Variants in SAR1B observed in about 807,000 individuals in gnomAD.
The protein encoded by SAR1B is secretion associated Ras related GTPase 1B.
SAR1B carries 23 observed loss-of-function variants against 26.8 expected under a neutral mutation model. That is an observed-to-expected ratio of 0.86 (90% confidence interval 0.62 to 1.22). The LOEUF is 1.22. Ranked by LOEUF, SAR1B falls within the 50% of genes most tolerant of loss-of-function variation. The pLI, the probability that SAR1B is intolerant of heterozygous loss-of-function variation, is 0.00. For missense variants in SAR1B, 196 were observed against 232.8 expected, an observed-to-expected ratio of 0.84 and a Z score of 1.03; for synonymous variants, 65 against 80.8, an observed-to-expected ratio of 0.80 and a Z score of 1.05.
At chr5:134,608,294 G>A (rs1419036378) in intron 6 of SAR1B, 78 bp downstream of exon 6, 4 of 1,413,590 alleles carry the variant, frequency 2.8e-6, no homozygotes, top group African/African-American at 1.4e-5. Context: ...GGCTTGTATA[G>A]TTGGACAATA....
In SAR1B at chr5:134,603,215, C is replaced by T. The variant is rs1045500818; in HGVS notation, c.*3735G>A. On this transcript the variant is annotated 3_prime_UTR_variant, in exon 7 of 7. Coordinates refer to ENST00000402673, the MANE Select transcript of SAR1B (RefSeq NM_016103.4). Reference sequence around the variant, plus strand: ...TGCACTCTGGTCAAATTTTACTTGGCAATAAATCCTTGCAAACGTCAGTCA... The same window carrying T: ...TGCACTCTGGTCAAATTTTACTTGGTAATAAATCCTTGCAAACGTCAGTCA... 1.3e-5 allele frequency: 2 copies of T among 152,134 alleles called. No individual in the cohort carries two copies. Among genetic ancestry groups the T allele is most frequent in the Non-Finnish European group, 1.5e-5 (1 of 68,020 alleles). 9.4% of individuals were successfully genotyped at this position (152,134 alleles called of 1,614,324 possible).
At position 134,612,662 on chromosome 5, in the gene SAR1B, AAAAAAAAAAAAAAAAAAAAG is replaced by A. The variant is rs772224385; in HGVS notation, c.244+9_244+28del. 3 of 1,205,374 alleles carry A rather than the reference AAAAAAAAAAAAAAAAAAAAG, an allele frequency of 2.5e-6. No individual in the cohort carries two copies. The highest frequency in any genetic ancestry group is 3.5e-5 in the African/African-American group (2 of 57,266). The allele number at this position is 1,205,374 out of a possible 1,614,324, so 74.7% of individuals were successfully genotyped here. On this transcript the variant is annotated intron_variant, in intron 4 of 6. Coordinates refer to ENST00000402673, the MANE Select transcript of SAR1B (RefSeq NM_016103.4). Reference sequence around the variant, plus strand: ...TGTCTAAAAAAAAAAAAAAAAAAAAAAAAAAAAAAAAAAAAAAAAGAATCTTACCTTGAACATGTCCACCC... The same window carrying A: ...TGTCTAAAAAAAAAAAAAAAAAAAAAAATCTTACCTTGAACATGTCCACCC...
chr5:134,628,117 C>T (rs1293510260), intron 1 of SAR1B, among the ~76,000 whole-genome samples: 1 of 151,222 alleles, frequency 6.6e-6, no homozygotes, highest in African/African-American at 2.4e-5. Context: ...GCACTCCAGC[C>T]GGGGTGACAG....
At chr5:134,607,772 CAAAAA>C (rs35665930) in intron 6 of SAR1B, among the ~76,000 whole-genome samples, 1 of 99,686 alleles carries the variant, frequency 1.0e-5, no homozygotes, top group Non-Finnish European at 2.2e-5. Flanking sequence ...AACTCCATCT[CAAAAA>C]AAAAAAAAAA....
chr5:134,614,262 T>C (rs1765270910), intron 3 of SAR1B: 1 of 152,256 alleles, frequency 6.6e-6, no homozygotes, highest in Non-Finnish European at 1.5e-5. Flanking sequence ...GTTTGTGTTT[T>C]CCTTTAAATC....
At position 134,629,359 on chromosome 5, in the gene SAR1B, GACCAGAC is replaced by G. The variant is rs549136748; in HGVS notation, c.-19+3362_-19+3368del. On this transcript the variant is annotated intron_variant, in intron 1 of 6. Transcript: ENST00000402673. ...GGATCACTTGAACCCAGGAGTTTGA[GACCAGAC>G]TGGGCAACATGGGAAGACCCCGTCT... Among the ~76,000 whole-genome samples the G allele has an allele frequency of 6.6e-5, 10 of 151,578 alleles. No individual in the cohort carries two copies. In the South Asian group the frequency reaches 1.7e-3, roughly 25 times the overall value.
intron 1 of SAR1B, among the ~76,000 whole-genome samples, chr5:134,630,575 G>A (rs908959773): frequency 4.0e-5 from 6 of 151,262 alleles, no homozygotes; most frequent in Non-Finnish European, 7.4e-5. Context: ...TTGAGTTCGG[G>A]AGTTCAAGAC....
Position 134,605,218 on chromosome 5 carries a change from A to G in SAR1B, c.*1732T>C, listed in dbSNP as rs1765106701. 1 of 152,200 alleles carries G rather than the reference A, an allele frequency of 6.6e-6. No homozygotes were observed. Among genetic ancestry groups the G allele is most frequent in the Non-Finnish European group, 1.5e-5 (1 of 68,044 alleles). The allele number at this position is 152,200 out of a possible 1,614,324, so 9.4% of individuals were successfully genotyped here. On this transcript the variant is annotated 3_prime_UTR_variant, in exon 7 of 7. Coordinates refer to ENST00000402673, the MANE Select transcript of SAR1B (RefSeq NM_016103.4). ...AAAGGACTGTAACTCTGACATGGACAATGGCTACAGAAAACACTAATTTTT... is the reference window on the plus strand; with the variant it reads ...AAAGGACTGTAACTCTGACATGGACGATGGCTACAGAAAACACTAATTTTT...
rs1029453063 is a variant in SAR1B at position 134,604,595 on chromosome 5, G to A, written c.*2355C>T. 1.3e-5 allele frequency: 2 copies of A among 152,056 alleles called. No homozygotes were observed. Among genetic ancestry groups the A allele is most frequent in the Admixed American group, 6.6e-5 (1 of 15,264 alleles). The allele number at this position is 152,056 out of a possible 1,614,324, so 9.4% of individuals were successfully genotyped here. On this transcript the variant is annotated 3_prime_UTR_variant, in exon 7 of 7. Coordinates refer to ENST00000402673, the MANE Select transcript of SAR1B (RefSeq NM_016103.4). ...AACATGGCTTCCTTTCTAGAGGCTC[G>A]GGCCATAAAAATCTTATGTCTTTGG...
chr5:134,625,154 G>C (rs1300121444), intron 1 of SAR1B, among the ~76,000 whole-genome samples: 1 of 152,082 alleles, frequency 6.6e-6, no homozygotes, highest in Non-Finnish European at 1.5e-5. Flanking sequence ...AAAGTGAAAG[G>C]GTATAGAGAA....
intron 6 of SAR1B, 133 bp downstream of exon 6, chr5:134,608,239 G>C: frequency 1.1e-6 from 1 of 914,026 alleles, no homozygotes; most frequent in Non-Finnish European, 1.6e-6. Context: ...ACATTAAAAA[G>C]ACCCACAGGT....
At chr5:134,611,012 T>TATC (rs1295516989) in intron 4 of SAR1B, among the ~76,000 whole-genome samples, 1 of 151,984 alleles carries the variant, frequency 6.6e-6, no homozygotes, top group Non-Finnish European at 1.5e-5. Context: ...TATCAGTGTC[T>TATC]ATCACTATGC....
rs1765131886 is a variant in SAR1B at position 134,606,629 on chromosome 5, T to C, written c.*321A>G. 3.4e-6 allele frequency: 1 copy of C among 291,350 alleles called. No homozygotes were observed. The highest frequency in any genetic ancestry group is 6.8e-6 in the Non-Finnish European group (1 of 148,122). 18.0% of individuals were successfully genotyped at this position (291,350 alleles called of 1,614,324 possible). ...TAACATGATGAGCTTTTAAATATGGTTTATAGTTTCATGTTGTTAAAAAGT... is the reference window on the plus strand; with the variant it reads ...TAACATGATGAGCTTTTAAATATGGCTTATAGTTTCATGTTGTTAAAAAGT... On this transcript the variant is annotated 3_prime_UTR_variant, in exon 7 of 7. Coordinates refer to ENST00000402673, the MANE Select transcript of SAR1B (RefSeq NM_016103.4).
Position 134,603,696 on chromosome 5 carries a change from G to A in SAR1B, c.*3254C>T, listed in dbSNP as rs1765082446. 1 of 152,256 alleles carries A rather than the reference G, an allele frequency of 6.6e-6. No individual in the cohort carries two copies. The highest frequency in any genetic ancestry group is 2.4e-5 in the African/African-American group (1 of 41,428). 9.4% of individuals were successfully genotyped at this position (152,256 alleles called of 1,614,324 possible). A position where few individuals can be genotyped will look rare whatever the true frequency, so the allele number is the denominator to read the frequency against. On this transcript the variant is annotated 3_prime_UTR_variant, in exon 7 of 7. Coordinates refer to ENST00000402673, the MANE Select transcript of SAR1B (RefSeq NM_016103.4). ...CGCCTGTAGTCCCAGCTACTCAGGA[G>A]GCTGAGGCAGGAGAATCACTTGAAC...
chr5:134,630,220 C>T (rs1195266063), intron 1 of SAR1B, among the ~76,000 whole-genome samples: 1 of 151,962 alleles, frequency 6.6e-6, no homozygotes, highest in African/African-American at 2.4e-5. Context: ...CTTTGGGAGG[C>T]TGAGGGGGGC....
chr5:134,615,678 G>T (rs1458387845), intron 3 of SAR1B, among the ~76,000 whole-genome samples: 1 of 138,324 alleles, frequency 7.2e-6, no homozygotes, highest in African/African-American at 2.7e-5. Flanking sequence ...TTAGCTGGGC[G>T]TGGTGGCAGG....
chr5:134,619,558 C>G (rs1765370225), intron 3 of SAR1B, among the ~76,000 whole-genome samples: 2 of 151,548 alleles, frequency 1.3e-5, no homozygotes. Flanking sequence ...GAGATGGAGT[C>G]TCAGTATGTT....
chr5:134,623,886 G>T (rs937868880), intron 2 of SAR1B, 76 bp downstream of exon 2: 64 of 984,450 alleles, frequency 6.5e-5, no homozygotes, highest in Middle Eastern at 4.1e-4. Context: ...TCTATAAAGA[G>T]ACTTGACACA....
At chr5:134,630,327 T>C (rs956850556) in intron 1 of SAR1B, among the ~76,000 whole-genome samples, 2 of 151,666 alleles carry the variant, frequency 1.3e-5, no homozygotes, top group African/African-American at 2.4e-5. Context: ...TGGTGGTGTA[T>C]GCCTGTAATC....
Sources: gnomAD v4.1 joint callset for allele counts (sites outside exome capture counted in the v4.1 genomes callset) on GRCh38, gnomAD v4.1.1 for gene constraint, MANE v1.5 for transcripts, NCBI Gene and HGNC (gene_info 2026-07-23, HGNC 2026-07-21) for gene names.